OTOGL: variants seen among roughly 807,000 people sequenced by gnomAD.
OTOGL encodes the protein otogelin like, also known as otogelin-like protein.
OTOGL carries 285 observed loss-of-function variants against 318.5 expected under a neutral mutation model. The observed-to-expected ratio is 0.89, with a 90% CI of 0.81 to 0.99. OTOGL has a LOEUF of 0.99. OTOGL is among the 50% of genes least tolerant of loss of function. The probability of loss-of-function intolerance (pLI) is 0.00; values close to 1 mark genes in which losing one functional copy is unlikely to be tolerated. For missense variants in OTOGL, 2,899 were observed against 2,845.6 expected (o/e 1.02, Z -0.43); for synonymous variants, 987 against 936.5 (o/e 1.05, Z -0.99).
intron 47 of OTOGL, 101 bp downstream of exon 47, chr12:80,356,049 G>A: frequency 7.7e-7 from 1 of 1,298,586 alleles, no homozygotes; most frequent in Non-Finnish European, 1.1e-6. Context: ...TTTTAAAAAA[G>A]GGCCATAAAT....
chr12:80,353,410 A>G lies in OTOGL; in HGVS notation c.5493A>G (p.Gly1831=). ...ARTCLNQWFY[G]HTSCLNLRED... is the part of the protein sequence containing the mutation. ...CATGCCTGAACCAATGGTTCTATGG[A>G]CACACTTCCTGTTTGAATCTAAGAG... Residue 1831 remains glycine (G), a synonymous_variant, in exon 46 of 59, where the codon GGA becomes GGG. Coordinates refer to ENST00000547103, the MANE Select transcript of OTOGL (RefSeq NM_001378609.3). The G allele has an allele frequency of 1.2e-6, 2 of 1,603,796 alleles. No individual in the cohort carries two copies. Among genetic ancestry groups the G allele is most frequent in the Non-Finnish European group, 1.7e-6 (2 of 1,174,748 alleles).
chr12:80,181,408 T>C (rs1348509016), intron 1 of OTOGL, among the ~76,000 whole-genome samples: 4 of 152,208 alleles, frequency 2.6e-5, no homozygotes, highest in Non-Finnish European at 5.9e-5. Context: ...TTATTGAATA[T>C]ACTTTGGTGG....
intron 52 of OTOGL, among the ~76,000 whole-genome samples, chr12:80,362,638 T>G (rs756597605): frequency 1.3e-5 from 2 of 152,190 alleles, no homozygotes; most frequent in Non-Finnish European, 2.9e-5. Flanking sequence ...TATTTTGTTA[T>G]ATTTGATTAC....
chr12:80,129,962 T>C (rs1239953149), intron 1 of OTOGL, among the ~76,000 whole-genome samples: 5 of 152,184 alleles, frequency 3.3e-5, no homozygotes, highest in Non-Finnish European at 5.9e-5. Context: ...CTAAAAACCA[T>C]GAACTTATTT....
At chr12:80,299,201 C>T (rs34647536) in intron 27 of OTOGL, among the ~76,000 whole-genome samples, 3,012 of 152,260 alleles carry the variant, frequency 0.02, 107 homozygotes, top group African/African-American at 0.067. Context: ...GGGTAGCAAT[C>T]AACCTTTGGG....
chr12:80,343,526 T>TCA (rs1555301043), intron 44 of OTOGL: 1 of 118,160 alleles, frequency 8.5e-6, no homozygotes, highest in African/African-American at 4.6e-5. Context: ...TTTTTTTTTT[T>TCA]TTTTTTTTTT....
chr12:80,261,317 G>C (rs1397243273), intron 18 of OTOGL, among the ~76,000 whole-genome samples: 1 of 152,068 alleles, frequency 6.6e-6, no homozygotes, highest in Non-Finnish European at 1.5e-5. Context: ...AATGTTGGTT[G>C]ATGAATGAAT....
At chr12:80,253,820 C>A (rs1319919230) in intron 14 of OTOGL, among the ~76,000 whole-genome samples, 3 of 152,014 alleles carry the variant, frequency 2.0e-5, no homozygotes, top group Non-Finnish European at 4.4e-5. Flanking sequence ...GTTGCATTTT[C>A]TTATCGTTTG....
intron 34 of OTOGL, among the ~76,000 whole-genome samples, chr12:80,322,256 C>T (rs559575154): frequency 3.9e-5 from 6 of 152,194 alleles, no homozygotes; most frequent in Non-Finnish European, 5.9e-5. Context: ...ATGTGATTTG[C>T]TTACTTCAGT....
chr12:80,156,523 C>T (rs1292881879), intron 1 of OTOGL, among the ~76,000 whole-genome samples: 2 of 152,192 alleles, frequency 1.3e-5, no homozygotes, highest in Non-Finnish European at 2.9e-5. Flanking sequence ...ATACAGGTCT[C>T]ATCTTGAATT....
intron 29 of OTOGL, among the ~76,000 whole-genome samples, chr12:80,306,660 A>G (rs1214981503): frequency 6.6e-6 from 1 of 152,140 alleles, no homozygotes; most frequent in Non-Finnish European, 1.5e-5. Context: ...CTATATTGAG[A>G]GAGACAAAAT....
In OTOGL at chr12:80,339,261, T is replaced by A. The variant is rs753044627; in HGVS notation, c.5047T>A (p.Cys1683Ser). Residue 1683 changes from cysteine (C) to serine (S), a missense_variant, in exon 43 of 59, where the codon TGT becomes AGT. Physicochemically the swap from Cys to Ser is moderately radical, Grantham distance 112. Coordinates refer to ENST00000547103, the MANE Select transcript of OTOGL (RefSeq NM_001378609.3). ...FNLSSYTEGL[C>S]GICNEDPDDD... The stretch of plus-strand genomic sequence containing the variant: ...CTTGTCATCCTACACAGAAGGACTC[T>A]GTGGTGAGCGCTGCCCTTCAAATCT... 6.3e-7 allele frequency: 1 copy of A among 1,575,810 alleles called. No homozygotes were observed. The highest frequency in any genetic ancestry group is 8.7e-7 in the Non-Finnish European group (1 of 1,152,374).
Position 80,336,916 on chromosome 12 carries a change from C to T in OTOGL, c.4772C>T (p.Pro1591Leu), listed in dbSNP as rs1888447335. ...TTTAATTTTTTTCAAATTAAGGCTC[C>T]CTCTGGAAGAATCTCTGGACTTTGT... is the stretch of plus-strand genomic sequence containing the variant. ...QNGNSLKKLAPSGRISGLCFK... is the reference protein window; with the variant it reads ...QNGNSLKKLALSGRISGLCFK... Residue 1591 changes from proline (P) to leucine (L), a missense_variant, in exon 42 of 59, where the codon CCC (proline) becomes CTC (leucine). By Grantham distance (98) the Pro-to-Leu change is moderately conservative. Coordinates refer to ENST00000547103, the MANE Select transcript of OTOGL (RefSeq NM_001378609.3). The T allele has an allele frequency of 1.3e-6, 2 of 1,582,308 alleles. No homozygotes were observed. The highest frequency in any genetic ancestry group is 1.3e-5 in the African/African-American group (1 of 74,176).
chr12:80,370,860 A>G (rs1291727415), intron 56 of OTOGL, 171 bp downstream of exon 56: 2 of 466,660 alleles, frequency 4.3e-6, no homozygotes, highest in Non-Finnish European at 3.4e-6. Context: ...ATTTTGAGTT[A>G]TATACGGCGT....
At chr12:80,106,212 C>T (rs17006376) in intron 1 of OTOGL, among the ~76,000 whole-genome samples, 5,436 of 152,286 alleles carry the variant, frequency 0.036, 114 homozygotes, top group South Asian at 0.089. Context: ...AAGGAAGATT[C>T]GTCAGCTCTT....
chr12:80,131,117 TC>T, intron 1 of OTOGL: 1 of 152,208 alleles, frequency 6.6e-6, no homozygotes, highest in Non-Finnish European at 1.5e-5. Flanking sequence ...ACAGCAAGTC[TC>T]ACGGCAAGAA....
At chr12:80,266,246 C>G (rs1002694980) in intron 20 of OTOGL, among the ~76,000 whole-genome samples, 1 of 152,180 alleles carries the variant, frequency 6.6e-6, no homozygotes, top group African/African-American at 2.4e-5. Context: ...CCATTTGGCC[C>G]TTTGCAGAAA....
intron 1 of OTOGL, among the ~76,000 whole-genome samples, chr12:80,173,052 A>G (rs1297538891): frequency 6.6e-6 from 1 of 152,148 alleles, no homozygotes; most frequent in Non-Finnish European, 1.5e-5. Flanking sequence ...TACATATGTA[A>G]CAAACCTGCA....
intron 29 of OTOGL, among the ~76,000 whole-genome samples, chr12:80,307,754 C>T (rs1886274632): frequency 6.9e-6 from 1 of 145,586 alleles, no homozygotes; most frequent in South Asian, 2.2e-4. Flanking sequence ...ACCCCGCCAC[C>T]TCCCTCCCGG....
Sources: gnomAD v4.1 joint callset for allele counts (sites outside exome capture counted in the v4.1 genomes callset) on GRCh38, gnomAD v4.1.1 for gene constraint, MANE v1.5 for transcripts, NCBI Gene and HGNC (gene_info 2026-07-23, HGNC 2026-07-21) for gene names.